Variants in GPLD1 observed in about 807,000 individuals in gnomAD.
The protein encoded by GPLD1 is phosphatidylinositol-glycan-specific phospholipase D.
GPLD1 carries 84 observed loss-of-function variants against 112.6 expected under a neutral mutation model. The observed-to-expected ratio is 0.75, with a 90% CI of 0.63 to 0.89. The LOEUF (loss-of-function observed/expected upper bound fraction) is 0.89, where lower values mean the gene tolerates loss of function less well. Ranked by LOEUF, GPLD1 falls within the 40% of genes least tolerant of loss-of-function variation. The pLI, the probability that GPLD1 is intolerant of heterozygous loss-of-function variation, is 0.00. For missense variants in GPLD1, 1,044 were observed against 1,051.5 expected, an observed-to-expected ratio of 0.99 and a Z score of 0.10; for synonymous variants, 386 against 403.8, an observed-to-expected ratio of 0.96 and a Z score of 0.53.
chr6:24,439,776 G>A (rs1200161215), intron 20 of GPLD1, among the ~76,000 whole-genome samples: 1 of 152,210 alleles, frequency 6.6e-6, no homozygotes, highest in Non-Finnish European at 1.5e-5. Context: ...ACATGCAGAG[G>A]CCTTTATGAA....
chr6:24,448,658 AG>A (rs1369861725), intron 15 of GPLD1, among the ~76,000 whole-genome samples: 6 of 152,154 alleles, frequency 3.9e-5, no homozygotes, highest in Non-Finnish European at 8.8e-5. Context: ...GTGTGCTTGC[AG>A]AATGACTTAC....
Position 24,437,294 on chromosome 6 carries a change from A to C in GPLD1, c.2021-5T>G, listed in dbSNP as rs1478330918. Reference sequence around the variant, plus strand: ...ATGCCACCTTAGACACGTCATCTGAAACGAACCACAGTTCCTGCTGGCCTC... The same window carrying C: ...ATGCCACCTTAGACACGTCATCTGACACGAACCACAGTTCCTGCTGGCCTC... On this transcript the variant is annotated splice_polypyrimidine_tract_variant and splice_region_variant and intron_variant, in intron 20 of 24. Transcript: ENST00000230036. The C allele has an allele frequency of 3.7e-6, 6 of 1,612,394 alleles. No homozygotes were observed. The highest frequency in any genetic ancestry group is 5.1e-6 in the Non-Finnish European group (6 of 1,179,092).
rs1762613921 is a variant in GPLD1 at position 24,437,401 on chromosome 6, C to CG, written c.2021-113dup. 5.8e-5 allele frequency: 60 copies of CG among 1,030,012 alleles called. No homozygotes were observed. The South Asian group carries it at 8.8e-4, about 15-fold the overall frequency. 63.8% of individuals were successfully genotyped at this position (1,030,012 alleles called of 1,614,324 possible). ...ATCACTCGGGATCCTACAGGACAGT[C>CG]GGTTTCGGAGCTGGTCATCTCCGGC... On this transcript the variant is annotated intron_variant, in intron 20 of 24. Transcript: ENST00000230036.
At position 24,448,070 on chromosome 6, in the gene GPLD1, C is replaced by CCT. The variant is rs745872905; in HGVS notation, c.1522-39_1522-38dup. The CCT allele has an allele frequency of 6.8e-6, 11 of 1,613,026 alleles. 1 individual carries two copies. In the South Asian group the frequency reaches 1.1e-4, roughly 16 times the overall value. On this transcript the variant is annotated intron_variant, in intron 16 of 24. Coordinates refer to ENST00000230036, the MANE Select transcript of GPLD1 (RefSeq NM_001503.4). ...ACCAGGAAAGCACATTTTACCCAGC[C>CCT]CTGGTGGCAGTTAGGATACAGCGAG... is the stretch of plus-strand genomic sequence containing the variant.
At chr6:24,479,220 T>TC (rs1157533678) in intron 3 of GPLD1, among the ~76,000 whole-genome samples, 4 of 151,642 alleles carry the variant, frequency 2.6e-5, no homozygotes, top group Non-Finnish European at 5.9e-5. Flanking sequence ...CATAAACTTC[T>TC]CCCCCACACA....
At chr6:24,441,177 G>A (rs2753914) in intron 20 of GPLD1, among the ~76,000 whole-genome samples, 41,378 of 151,536 alleles carry the variant, frequency 0.27, 6,971 homozygotes, top group Middle Eastern at 0.43. Flanking sequence ...ATGGTGGTGC[G>A]TGCCTGTAGT....
chr6:24,481,965 T>C (rs181619890), intron 2 of GPLD1, among the ~76,000 whole-genome samples: 202 of 152,258 alleles, frequency 1.3e-3, no homozygotes, highest in Admixed American at 3.4e-3. Context: ...CCCAGTGAGG[T>C]AGGCATGTTA....
chr6:24,478,772 C>T (rs1012039954), intron 3 of GPLD1, among the ~76,000 whole-genome samples: 3 of 152,182 alleles, frequency 2.0e-5, no homozygotes, highest in Non-Finnish European at 2.9e-5. Flanking sequence ...TCTCTCTCCA[C>T]GGTTCCAGTA....
chr6:24,482,105 T>TC (rs1158445681), intron 2 of GPLD1, among the ~76,000 whole-genome samples: 1 of 144,146 alleles, frequency 6.9e-6, no homozygotes, highest in Non-Finnish European at 1.5e-5. Context: ...GGATTTTTTT[T>TC]TTTTTTTTTT....
rs1399016768 is a variant in GPLD1, at chr6:24,445,627, G to C, written c.1939C>G (p.Leu647Val). ...TISGDKAMGKLGTSLSSGHVL... is the reference protein window; with the variant it reads ...TISGDKAMGKVGTSLSSGHVL... ...TGGCCACTGGAAAGGGAAGTACCCA[G>C]TTTCCCCATTGCCTGTGAGACACAA... The change falls in exon 20 of 25, where the codon CTG becomes GTG. Residue 647 changes from leucine (L) to valine (V), a missense_variant. By Grantham distance (32) the Leu-to-Val change is conservative. Coordinates refer to ENST00000230036, the MANE Select transcript of GPLD1 (RefSeq NM_001503.4). The C allele has an allele frequency of 1.2e-6, 2 of 1,613,126 alleles. No homozygotes were observed. The highest frequency in any genetic ancestry group is 1.7e-6 in the Non-Finnish European group (2 of 1,179,250).
At chr6:24,444,428 T>C (rs548957326) in intron 20 of GPLD1, among the ~76,000 whole-genome samples, 6 of 152,068 alleles carry the variant, frequency 3.9e-5, no homozygotes, top group Non-Finnish European at 7.4e-5. Flanking sequence ...ATATATTTCC[T>C]TGTATTTTCA....
At chr6:24,440,612 GT>G (rs1407625850) in intron 20 of GPLD1, among the ~76,000 whole-genome samples, 1 of 123,628 alleles carries the variant, frequency 8.1e-6, no homozygotes, top group Non-Finnish European at 1.8e-5. Flanking sequence ...CATAATCCAG[GT>G]GTTGTGGCAC....
intron 13 of GPLD1, among the ~76,000 whole-genome samples, chr6:24,454,717 G>C (rs944438869): frequency 6.6e-6 from 1 of 152,242 alleles, no homozygotes; most frequent in East Asian, 1.9e-4. Context: ...TCCTAGATGA[G>C]ATTCCAAGAG....
chr6:24,447,750 CAGACTGTTAGA>C, intron 17 of GPLD1, 116 bp downstream of exon 17: 1 of 870,702 alleles, frequency 1.1e-6, no homozygotes. Flanking sequence ...TTAAGAGTAA[CAGACTGTTAGA>C]AAATGTTGGT....
intron 2 of GPLD1, 21 bp downstream of exon 2, chr6:24,486,054 A>T: frequency 6.8e-7 from 1 of 1,477,180 alleles, no homozygotes; most frequent in Non-Finnish European, 9.4e-7. Context: ...CAAAGAAGAA[A>T]AGAAAAATCA....
intron 7 of GPLD1, among the ~76,000 whole-genome samples, chr6:24,469,738 C>T (rs1763735683): frequency 6.8e-6 from 1 of 147,850 alleles, no homozygotes; most frequent in Non-Finnish European, 1.5e-5. Flanking sequence ...TGTAACTAAC[C>T]TGCACAATGT....
rs1192117624 is a variant in GPLD1 at position 24,447,880 on chromosome 6, T to A, written c.1675A>T (p.Lys559Ter). 1 of 1,613,748 alleles carries A rather than the reference T, an allele frequency of 6.2e-7. No individual in the cohort carries two copies. The highest frequency in any genetic ancestry group is 8.5e-7 in the Non-Finnish European group (1 of 1,179,966). Reference protein sequence around the residue: ...AFYSGPSLSDKEKLNVEAANW... With the variant: ...AFYSGPSLSD The stretch of plus-strand genomic sequence containing the variant: ...CCCATTCCCCCTCAGGCACTACCTT[T>A]GTCGCTCAGGCTGGGGCCAGAATAA... Residue 559 changes from lysine (K) to a stop codon, truncating the protein, a stop_gained, in exon 17 of 25, where the codon AAA becomes TAA. Transcript: ENST00000230036. LOFTEE classifies it high-confidence loss of function.
chr6:24,489,689 C>A, upstream of GPLD1: 1 of 1,048,430 alleles, frequency 9.5e-7, no homozygotes, highest in South Asian at 1.7e-5. Flanking sequence ...TGTCCAACTA[C>A]TGTTTAGCTT....
rs746451370 is a variant in GPLD1, at chr6:24,489,547, G to A, written c.-36C>T. Reference sequence around the variant, plus strand: ...CCCACCGGCTTCTCTGGTGACGTGGGAATGCTCAGAGCTGCAGCAGCACTG... The same window carrying A: ...CCCACCGGCTTCTCTGGTGACGTGGAAATGCTCAGAGCTGCAGCAGCACTG... On this transcript the variant is annotated 5_prime_UTR_variant, in exon 1 of 25. Transcript: ENST00000230036. 2 of 1,613,266 alleles carry A rather than the reference G, an allele frequency of 1.2e-6. No individual in the cohort carries two copies. The highest frequency in any genetic ancestry group is 8.5e-7 in the Non-Finnish European group (1 of 1,179,554).
Sources: allele counts gnomAD v4.1 joint callset (sites outside exome capture counted in the v4.1 genomes callset), GRCh38; gene constraint gnomAD v4.1.1; transcripts MANE v1.5; gene names NCBI Gene and HGNC (gene_info 2026-07-23, HGNC 2026-07-21).